SND1: variants seen among roughly 807,000 people sequenced by gnomAD.
SND1 encodes the protein staphylococcal nuclease domain-containing protein 1.
A neutral mutation model predicts 121.7 loss-of-function variants in SND1; 38 were observed. The observed-to-expected ratio is 0.31, with a 90% confidence interval of 0.24 to 0.41. The LOEUF (loss-of-function observed/expected upper bound fraction) is 0.41, where lower values mean the gene tolerates loss of function less well. Among genes scored for constraint, SND1 ranks in the 10% least tolerant of loss-of-function variants. The pLI is 1.00. For missense variants in SND1, 868 were observed against 1,184.6 expected (o/e 0.73, Z 3.92); for synonymous variants, 401 against 447.4 (o/e 0.90, Z 1.31).
At chr7:128,001,025 G>A (rs1299808017) in intron 16 of SND1, among the ~76,000 whole-genome samples, 1 of 152,168 alleles carries the variant, frequency 6.6e-6, no homozygotes, top group Admixed American at 6.5e-5. Context: ...TGTTGCCAAG[G>A]ACTTGAAGAG....
At chr7:128,061,762 C>T (rs900920472) in intron 16 of SND1, among the ~76,000 whole-genome samples, 5 of 152,242 alleles carry the variant, frequency 3.3e-5, no homozygotes, top group Non-Finnish European at 5.9e-5. Flanking sequence ...CCTTATTTCA[C>T]GTGTATGTGT....
intron 12 of SND1, among the ~76,000 whole-genome samples, chr7:127,852,490 T>TAAAA (rs779324036): frequency 1.2e-5 from 1 of 83,934 alleles, no homozygotes; most frequent in Admixed American, 1.4e-4. Context: ...AGACTCCCTC[T>TAAAA]AAAAAAAAAA....
At chr7:128,034,885 A>T (rs879580455) in intron 16 of SND1, among the ~76,000 whole-genome samples, 9 of 152,208 alleles carry the variant, frequency 5.9e-5, no homozygotes, top group Admixed American at 5.2e-4. Flanking sequence ...AGTACCATCT[A>T]GCTATGGCAT....
chr7:127,892,017 C>G (rs1449332632), intron 13 of SND1, among the ~76,000 whole-genome samples: 2 of 152,086 alleles, frequency 1.3e-5, no homozygotes, highest in African/African-American at 4.8e-5. Context: ...GGTGTTGATT[C>G]CAACAGACTT....
At position 127,819,775 on chromosome 7, in the gene SND1, G is replaced by T. The variant is rs375260232; in HGVS notation, c.1242+12202G>T. On this transcript the variant is annotated intron_variant, in intron 11 of 23. Transcript: ENST00000354725. Reference sequence around the variant, plus strand: ...TTTGCATTGATTGGACTACTTTTAGGGTTCCAAAAGTTTAATCTTTTTGTC... The same window carrying T: ...TTTGCATTGATTGGACTACTTTTAGTGTTCCAAAAGTTTAATCTTTTTGTC... 1.1e-4 allele frequency among the ~76,000 whole-genome samples: 17 copies of T among 152,156 alleles called. No homozygotes were observed. The East Asian group carries it at 2.3e-3, about 21-fold the overall frequency.
At chr7:127,801,617 C>T (rs1290067824) in intron 10 of SND1, among the ~76,000 whole-genome samples, 1 of 152,176 alleles carries the variant, frequency 6.6e-6, no homozygotes, top group Non-Finnish European at 1.5e-5. Flanking sequence ...TCTTCTCTCT[C>T]TCCTTTGCTC....
chr7:127,999,903 T>C (rs960954919), intron 16 of SND1: 3 of 152,132 alleles, frequency 2.0e-5, no homozygotes, highest in Non-Finnish European at 4.4e-5. Flanking sequence ...AAAAATGTTA[T>C]CAGGAGGAAG....
At chr7:127,947,796 C>T (rs3757764) in intron 15 of SND1, among the ~76,000 whole-genome samples, 22,456 of 152,170 alleles carry the variant, frequency 0.15, 1,679 homozygotes, top group South Asian at 0.24. Context: ...TGTCCTTGTC[C>T]TCATTGATTA....
chr7:127,745,959 C>G lies in SND1; in HGVS notation c.1152+24559C>G, dbSNP rs138565848. Among the ~76,000 whole-genome samples the G allele has an allele frequency of 3.2e-4, 48 of 152,312 alleles. 1 individual carries two copies. The highest frequency in any genetic ancestry group is 1.1e-3 in the African/African-American group (46 of 41,582). Reference sequence around the variant, plus strand: ...GCTGCCCTCTGCCTGGTTGCTTACACTGCTTATTGTGAGTTTAGAAACCTT... The same window carrying G: ...GCTGCCCTCTGCCTGGTTGCTTACAGTGCTTATTGTGAGTTTAGAAACCTT... On this transcript the variant is annotated intron_variant, in intron 10 of 23. Transcript: ENST00000354725.
intron 12 of SND1, among the ~76,000 whole-genome samples, chr7:127,876,350 C>A (rs1250393795): frequency 1.3e-5 from 2 of 152,012 alleles, no homozygotes; most frequent in African/African-American, 4.8e-5. Flanking sequence ...TGTAATAGTC[C>A]CTGTGAGAGG....
intron 11 of SND1, among the ~76,000 whole-genome samples, chr7:127,820,265 C>T (rs541741703): frequency 4.6e-5 from 7 of 152,282 alleles, no homozygotes; most frequent in Non-Finnish European, 1.0e-4. Flanking sequence ...TGTCAGTTCA[C>T]TACATTTTGA....
intron 10 of SND1, among the ~76,000 whole-genome samples, chr7:127,774,230 A>C (rs1313095625): frequency 1.3e-5 from 2 of 152,226 alleles, no homozygotes; most frequent in Non-Finnish European, 1.5e-5. Flanking sequence ...ACAGTGATAT[A>C]AATGCTCTTG....
chr7:127,990,554 G>A (rs915860109), intron 15 of SND1, among the ~76,000 whole-genome samples: 3 of 152,206 alleles, frequency 2.0e-5, no homozygotes, highest in Admixed American at 1.3e-4. Context: ...GAGGCAGAAT[G>A]GCTGGGATAT....
chr7:127,840,612 T>G (rs1481395288), intron 11 of SND1, among the ~76,000 whole-genome samples: 1 of 152,246 alleles, frequency 6.6e-6, no homozygotes, highest in Non-Finnish European at 1.5e-5. Flanking sequence ...TGCTAAGATT[T>G]ACACTGGTTT....
intron 14 of SND1, among the ~76,000 whole-genome samples, chr7:127,908,551 T>A (rs1192684263): frequency 6.6e-6 from 1 of 152,054 alleles, no homozygotes; most frequent in African/African-American, 2.4e-5. Context: ...TCTATCATAG[T>A]CTAGTTTCCT....
intron 11 of SND1, among the ~76,000 whole-genome samples, chr7:127,833,627 C>T (rs778994913): frequency 6.6e-6 from 1 of 151,990 alleles, no homozygotes; most frequent in Non-Finnish European, 1.5e-5. Context: ...TTCAGAGTTG[C>T]CTCGCTCCTG....
At position 127,694,870 on chromosome 7, in the gene SND1, A is replaced by G; in HGVS notation, c.271A>G (p.Ile91Val). ...TCGAGAGTTCCTTCGAAAGAAGCTG[A>G]TTGGGAAGGAAGTCTGTTTCACGAT... Reference protein sequence around the residue: ...PAREFLRKKLIGKEVCFTIEN... With the variant: ...PAREFLRKKLVGKEVCFTIEN... Residue 91 changes from isoleucine to valine, a missense_variant, in exon 3 of 24, where the codon ATT becomes GTT. By Grantham distance (29) the Ile-to-Val change is conservative. This residue lies in a region of SND1 where 743 missense variants were observed against 1,071.3 expected (regional missense o/e 0.69). Transcript: ENST00000354725. 1.2e-6 allele frequency: 2 copies of G among 1,613,850 alleles called. No homozygotes were observed. Among genetic ancestry groups the G allele is most frequent in the Non-Finnish European group, 1.7e-6 (2 of 1,179,904 alleles).
At chr7:127,867,864 A>G (rs993524586) in intron 12 of SND1, among the ~76,000 whole-genome samples, 1 of 151,292 alleles carries the variant, frequency 6.6e-6, no homozygotes, top group East Asian at 2.0e-4. Context: ...CTCCATGTTT[A>G]TATTTACATT....
At chr7:127,679,819 A>G (rs564622453) in intron 1 of SND1, among the ~76,000 whole-genome samples, 79 of 152,328 alleles carry the variant, frequency 5.2e-4, no homozygotes, top group African/African-American at 1.8e-3. Context: ...ACAATATTTT[A>G]TCACCAGTTA....
Sources: allele counts gnomAD v4.1 joint callset (sites outside exome capture counted in the v4.1 genomes callset), GRCh38; gene constraint gnomAD v4.1.1; regional missense constraint gnomAD v4.1.1; transcripts MANE v1.5; gene names NCBI Gene and HGNC (gene_info 2026-07-23, HGNC 2026-07-21).